ITGAE: variants seen among roughly 807,000 people sequenced by gnomAD.
ITGAE encodes the protein integrin subunit alpha E, also known as integrin alpha-E.
A neutral mutation model predicts 136.5 loss-of-function variants in ITGAE; 99 were observed. The ratio of observed to expected loss-of-function variants is 0.73; its 90% CI spans 0.62 to 0.86. The LOEUF (loss-of-function observed/expected upper bound fraction) is 0.86, where lower values mean the gene tolerates loss of function less well. Among genes scored for constraint, ITGAE ranks in the 40% least tolerant of loss-of-function variants. The pLI is 0.00. For missense variants in ITGAE, 1,447 were observed against 1,515.3 expected (o/e 0.95, Z 0.75); for synonymous variants, 613 against 591.8 (o/e 1.04, Z -0.52).
chr17:3,762,054 G>A, intron 3 of ITGAE, 72 bp from the exon 4 acceptor site: 1 of 1,319,228 alleles, frequency 7.6e-7, no homozygotes, highest in South Asian at 1.2e-5. Flanking sequence ...CAAGGTCAGA[G>A]GGCACAGAGC....
intron 1 of ITGAE, among the ~76,000 whole-genome samples, chr17:3,797,454 T>C (rs188994802): frequency 5.2e-4 from 73 of 140,400 alleles, no homozygotes; most frequent in East Asian, 3.8e-3. Flanking sequence ...CTTGAGCCAC[T>C]GCGCCTGGCC....
rs1376495312 is a variant in ITGAE at position 3,755,159 on chromosome 17, C to A, written c.1342G>T (p.Ala448Ser). 2 of 1,532,712 alleles carry A rather than the reference C, an allele frequency of 1.3e-6. No individual in the cohort carries two copies. Among genetic ancestry groups the A allele is most frequent in the African/African-American group, 2.8e-5 (2 of 71,080 alleles). 94.9% of individuals were successfully genotyped at this position (1,532,712 alleles called of 1,614,324 possible). The change falls in exon 12 of 31, where the codon GCG (alanine) becomes TCG (serine). Residue 448 changes from alanine (A) to serine (S), a missense_variant. Ala to Ser is a moderately conservative substitution (Grantham distance 99). Transcript: ENST00000263087. Reference protein sequence around the residue: ...RRGRFLNQTAAAAADAEAAQY... With the variant: ...RRGRFLNQTASAAADAEAAQY... ...GCAGCCTCCGCGTCTGCCGCCGCCG[C>A]CGCTGTCTGGTTCAGGAAGCGGCCC...
chr17:3,762,584 C>T (rs1181802792), intron 3 of ITGAE, among the ~76,000 whole-genome samples: 1 of 145,174 alleles, frequency 6.9e-6, no homozygotes, highest in Admixed American at 6.9e-5. Context: ...GCCTCTCAGA[C>T]AAGGATTTTT....
At chr17:3,787,232 C>T (rs904478975) in intron 1 of ITGAE, among the ~76,000 whole-genome samples, 34 of 152,080 alleles carry the variant, frequency 2.2e-4, no homozygotes, top group African/African-American at 7.7e-4. Context: ...CTGCCTCAGC[C>T]TCCCAAGTAG....
At chr17:3,750,725 AG>A (rs1191586778) in intron 15 of ITGAE, among the ~76,000 whole-genome samples, 1 of 151,216 alleles carries the variant, frequency 6.6e-6, no homozygotes, top group Non-Finnish European at 1.5e-5. Context: ...GGGAAAGAGC[AG>A]GGCCTTCTGA....
At chr17:3,765,236 C>T (rs977556804) in intron 2 of ITGAE, among the ~76,000 whole-genome samples, 3 of 149,670 alleles carry the variant, frequency 2.0e-5, no homozygotes, top group African/African-American at 4.9e-5. Context: ...GTAGTCCCAG[C>T]TACTCGGGAG....
intron 18 of ITGAE, among the ~76,000 whole-genome samples, chr17:3,744,038 A>C (rs1597323569): frequency 7.0e-6 from 1 of 143,812 alleles, no homozygotes. Flanking sequence ...ATAAGGTCTC[A>C]CTCACTCTGT....
At chr17:3,732,279 C>A in intron 22 of ITGAE, 89 bp downstream of exon 22, 1 of 1,001,964 alleles carries the variant, frequency 1.0e-6, no homozygotes, top group Non-Finnish European at 1.6e-6. Flanking sequence ...AAGCGCAAAG[C>A]TGGAACCGAG....
rs1165116157 is a variant in ITGAE at position 3,716,748 on chromosome 17, G to A, written c.3384C>T (p.Ile1128=). The change falls in exon 30 of 31, where the codon ATC becomes ATT. Residue 1128 remains isoleucine, a synonymous_variant. Transcript: ENST00000263087. The part of the protein sequence containing the change: ...KDEKYHSLPI[I]IKGSVGGLLV... ...GAAGTCCACCAACGCTGCCTTTAAT[G>A]ATGATAGGCAAAGAATGGTACTTCT... 4 of 1,610,912 alleles carry A rather than the reference G, an allele frequency of 2.5e-6. No homozygotes were observed. The highest frequency in any genetic ancestry group is 3.4e-6 in the Non-Finnish European group (4 of 1,177,120).
intron 15 of ITGAE, among the ~76,000 whole-genome samples, chr17:3,750,834 T>C (rs996931183): frequency 1.3e-5 from 2 of 152,050 alleles, no homozygotes; most frequent in Non-Finnish European, 2.9e-5. Flanking sequence ...ACAAAGGTTC[T>C]GTTGTTTTGA....
In ITGAE at chr17:3,727,492, C is replaced by T. The variant is rs559713160; in HGVS notation, c.3084+427G>A. Among the ~76,000 whole-genome samples the T allele has an allele frequency of 1.4e-3, 218 of 151,932 alleles. 4 individuals carry two copies. The Middle Eastern group carries it at 0.024, about 17-fold the overall frequency. On this transcript the variant is annotated intron_variant, in intron 26 of 30. Transcript: ENST00000263087. ...TCGGCTCACTGCAAGCTCCGCCTCC[C>T]GGGCTCACACCATTCTCCTGCCTCA... is the stretch of plus-strand genomic sequence containing the variant.
intron 14 of ITGAE, 128 bp downstream of exon 14, chr17:3,753,162 G>A: frequency 2.0e-6 from 2 of 1,025,530 alleles, no homozygotes; most frequent in Non-Finnish European, 2.8e-6. Context: ...CCGCCATCCA[G>A]CCTGAGCACC....
chr17:3,739,333 G>A lies in ITGAE; in HGVS notation c.2522+472C>T, dbSNP rs142579694. Among the ~76,000 whole-genome samples, 685 of 152,348 alleles carry A rather than the reference G, an allele frequency of 4.5e-3. 6 individuals are homozygous for A. The highest frequency in any genetic ancestry group is 0.016 in the African/African-American group (645 of 41,588). On this transcript the variant is annotated intron_variant, in intron 20 of 30. Coordinates refer to ENST00000263087, the MANE Select transcript of ITGAE (RefSeq NM_002208.5). Reference sequence around the variant, plus strand: ...TTCTCCCCCTAAGAGCACCAGGAGGGCAGGGATTTTTGTCTGTGTTGTTCA... The same window carrying A: ...TTCTCCCCCTAAGAGCACCAGGAGGACAGGGATTTTTGTCTGTGTTGTTCA...
intron 4 of ITGAE, 91 bp downstream of exon 4, chr17:3,761,824 G>A (rs2052178247): frequency 1.8e-6 from 2 of 1,116,738 alleles, no homozygotes; most frequent in African/African-American, 3.1e-5. Context: ...GGAACAGCAT[G>A]GCAGTCAGAA....
rs781074129 is a variant in ITGAE at position 3,761,145 on chromosome 17, T to C, written c.466A>G (p.Thr156Ala). 1.8e-5 allele frequency: 29 copies of C among 1,612,896 alleles called. 2 individuals carry two copies. In the South Asian group the frequency reaches 2.7e-4, roughly 15 times the overall value. Residue 156 changes from threonine (T) to alanine (A), a missense_variant, in exon 6 of 31, where the codon ACT (threonine) becomes GCT (alanine). This residue lies in a region of ITGAE where 310 missense variants were observed against 416.1 expected (regional missense o/e 0.74). Coordinates refer to ENST00000263087, the MANE Select transcript of ITGAE (RefSeq NM_002208.5). Reference protein sequence around the residue: ...NLLDPDARVDTGDCYSNKEGG... With the variant: ...NLLDPDARVDAGDCYSNKEGG... ...TCTTTGTTGCTGTAGCAGTCTCCAG[T>C]GTCCACACGTGCATCTGGATCCAGG... is the stretch of plus-strand genomic sequence containing the variant.
chr17:3,743,424 G>A (rs1054642558), intron 19 of ITGAE, 65 bp downstream of exon 19: 1 of 1,493,828 alleles, frequency 6.7e-7, no homozygotes, highest in Non-Finnish European at 8.9e-7. Flanking sequence ...GGAAGTTAGG[G>A]GAGCAGGTGG....
chr17:3,752,083 A>G (rs1567533067), intron 14 of ITGAE, among the ~76,000 whole-genome samples: 1 of 150,612 alleles, frequency 6.6e-6, no homozygotes, highest in East Asian at 2.0e-4. Flanking sequence ...GCCACCCAGG[A>G]TGCACGCTCG....
At chr17:3,779,873 C>G (rs1226475786) in intron 1 of ITGAE, among the ~76,000 whole-genome samples, 1 of 151,966 alleles carries the variant, frequency 6.6e-6, no homozygotes, top group African/African-American at 2.4e-5. Context: ...CATACTCCAA[C>G]GACAGCATGG....
chr17:3,745,775 T>C lies in ITGAE; in HGVS notation c.2308A>G (p.Thr770Ala). 1 of 1,614,050 alleles carries C rather than the reference T, an allele frequency of 6.2e-7. No individual in the cohort carries two copies. The highest frequency in any genetic ancestry group is 8.5e-7 in the Non-Finnish European group (1 of 1,179,974). The change falls in exon 18 of 31, where the codon ACA becomes GCA. Residue 770 changes from threonine to alanine, a missense_variant. Coordinates refer to ENST00000263087, the MANE Select transcript of ITGAE (RefSeq NM_002208.5). ...QLCEDLLLMPTEGELCEEDCF... is the reference protein window; with the variant it reads ...QLCEDLLLMPAEGELCEEDCF... ...ACTCCGTCACTTACCTCTCCCTCTG[T>C]GGGCATGAGCAGGAGGTCCTCACAA... is the stretch of plus-strand genomic sequence containing the variant.
Sources: allele counts gnomAD v4.1 joint callset (sites outside exome capture counted in the v4.1 genomes callset), GRCh38; gene constraint gnomAD v4.1.1; regional missense constraint gnomAD v4.1.1; transcripts MANE v1.5; gene names NCBI Gene and HGNC (gene_info 2026-07-23, HGNC 2026-07-21).